CTNNA2: variants seen among roughly 807,000 people sequenced by gnomAD.
The protein encoded by CTNNA2 is catenin alpha 2, also known as catenin alpha-2.
A neutral mutation model predicts 101.0 loss-of-function variants in CTNNA2; 42 were observed. The observed-to-expected ratio is 0.42, with a 90% CI of 0.32 to 0.54. The LOEUF is 0.54. Ranked by LOEUF, CTNNA2 falls within the 20% of genes least tolerant of loss-of-function variation. The pLI is 0.14. For synonymous variants in CTNNA2, 450 were observed against 456.4 expected, an observed-to-expected ratio of 0.99 and a Z score of 0.18; for missense variants, 871 against 1,223.1, an observed-to-expected ratio of 0.71 and a Z score of 4.29.
chr2:79,959,371 C>A (rs1574411556), intron 7 of CTNNA2, among the ~76,000 whole-genome samples: 1 of 152,132 alleles, frequency 6.6e-6, no homozygotes, highest in East Asian at 1.9e-4. Context: ...GTTGAAAAAA[C>A]TTTCAAATTA....
At chr2:79,675,806 A>T (rs1683146911) in intron 2 of CTNNA2, among the ~76,000 whole-genome samples, 1 of 152,186 alleles carries the variant, frequency 6.6e-6, no homozygotes, top group Non-Finnish European at 1.5e-5. Flanking sequence ...TATGTTTCTG[A>T]CCCTGTTACC....
chr2:80,354,880 T>C (rs1211213384), intron 7 of CTNNA2, among the ~76,000 whole-genome samples: 1 of 152,150 alleles, frequency 6.6e-6, no homozygotes, highest in East Asian at 1.9e-4. Flanking sequence ...TCAGGGGTGC[T>C]GGGTCAGGGA....
intron 18 of CTNNA2, among the ~76,000 whole-genome samples, chr2:80,635,672 G>A (rs1672797454): frequency 6.6e-6 from 1 of 152,140 alleles, no homozygotes. Flanking sequence ...TCAAATCATA[G>A]CCCTCTCCTG....
At chr2:79,512,036 C>A (rs1399749284), upstream of CTNNA2, among the ~76,000 whole-genome samples, 1 of 152,130 alleles carries the variant, frequency 6.6e-6, no homozygotes, top group East Asian at 1.9e-4. Context: ...TGTGGCAGAA[C>A]AAAGATGACT....
intron 7 of CTNNA2, among the ~76,000 whole-genome samples, chr2:79,974,288 C>T (rs1351015904): frequency 6.6e-6 from 1 of 152,038 alleles, no homozygotes; most frequent in Non-Finnish European, 1.5e-5. Context: ...AAGCCCAATG[C>T]CCGTCGTGAA....
At chr2:80,064,395 A>G (rs1053126798) in intron 7 of CTNNA2, among the ~76,000 whole-genome samples, 3 of 152,372 alleles carry the variant, frequency 2.0e-5, no homozygotes, top group East Asian at 3.9e-4. Context: ...GAGAAACACT[A>G]CAGGACCATC....
intron 9 of CTNNA2, among the ~76,000 whole-genome samples, chr2:80,504,129 G>A (rs1286735279): frequency 6.6e-6 from 1 of 152,144 alleles, no homozygotes; most frequent in African/African-American, 2.4e-5. Flanking sequence ...AAATCAAGGT[G>A]TTAGCCAGTT....
chr2:79,593,195 T>C (rs1290608959), intron 1 of CTNNA2, among the ~76,000 whole-genome samples: 3 of 152,228 alleles, frequency 2.0e-5, no homozygotes, highest in Non-Finnish European at 4.4e-5. Context: ...CTGGACATCA[T>C]AGTTGAATGA....
intron 12 of CTNNA2, among the ~76,000 whole-genome samples, chr2:80,569,357 C>T (rs1486649502): frequency 6.6e-6 from 1 of 152,126 alleles, no homozygotes; most frequent in Non-Finnish European, 1.5e-5. Context: ...AAGTTTATCT[C>T]TGAATTTGAT....
At chr2:80,623,395 G>A (rs1671344868) in intron 18 of CTNNA2, among the ~76,000 whole-genome samples, 1 of 151,810 alleles carries the variant, frequency 6.6e-6, no homozygotes, top group Non-Finnish European at 1.5e-5. Flanking sequence ...AACTGAATAG[G>A]AGTTTTCCAG....
At chr2:79,620,790 G>T (rs1214901982) in intron 1 of CTNNA2, among the ~76,000 whole-genome samples, 1 of 152,142 alleles carries the variant, frequency 6.6e-6, no homozygotes, top group Non-Finnish European at 1.5e-5. Context: ...TATAATAGAG[G>T]CAGACACTCC....
At chr2:79,466,343 C>T (rs1670934937) in intron 4 of CTNNA2, among the ~76,000 whole-genome samples, 3 of 152,192 alleles carry the variant, frequency 2.0e-5, no homozygotes, top group Non-Finnish European at 1.5e-5. Context: ...GGGTCCCCGC[C>T]ATTGCTGAGG....
At chr2:79,305,007 A>C (rs959463757) in intron 2 of CTNNA2, among the ~76,000 whole-genome samples, 5 of 152,162 alleles carry the variant, frequency 3.3e-5, no homozygotes, top group South Asian at 2.1e-4. Context: ...GTGACAAACC[A>C]AGATGACAAG....
intron 9 of CTNNA2, among the ~76,000 whole-genome samples, chr2:80,487,384 T>C (rs531224595): frequency 3.3e-5 from 5 of 152,106 alleles, no homozygotes; most frequent in African/African-American, 1.2e-4. Flanking sequence ...GACTGGGTAG[T>C]TATAAAGCAA....
intron 9 of CTNNA2, among the ~76,000 whole-genome samples, chr2:80,447,414 G>A (rs1683162067): frequency 6.6e-6 from 1 of 152,184 alleles, no homozygotes; most frequent in South Asian, 2.1e-4. Context: ...GGCGTCTTAT[G>A]GAAGTCTAGA....
intron 7 of CTNNA2, among the ~76,000 whole-genome samples, chr2:80,257,612 C>G (rs1672274190): frequency 6.6e-6 from 1 of 152,086 alleles, no homozygotes; most frequent in Non-Finnish European, 1.5e-5. Flanking sequence ...AAGGAGAGTT[C>G]CAATGAATGT....
At chr2:79,726,422 T>G (rs1319326678) in intron 2 of CTNNA2, among the ~76,000 whole-genome samples, 1 of 152,172 alleles carries the variant, frequency 6.6e-6, no homozygotes. Context: ...CGTTACCACC[T>G]GAGCTCCGCC....
chr2:80,147,265 C>T (rs1335002035), intron 7 of CTNNA2, among the ~76,000 whole-genome samples: 1 of 152,000 alleles, frequency 6.6e-6, no homozygotes, highest in Non-Finnish European at 1.5e-5. Flanking sequence ...CATGCCCAGC[C>T]TAATTTTTGT....
chr2:79,326,678 A>G (rs906178874), intron 3 of CTNNA2, among the ~76,000 whole-genome samples: 2 of 152,226 alleles, frequency 1.3e-5, no homozygotes, highest in African/African-American at 2.4e-5. Context: ...TGCAAAATGA[A>G]TGAACAAGCT....
Sources: gnomAD v4.1 joint callset for allele counts (sites outside exome capture counted in the v4.1 genomes callset) on GRCh38, gnomAD v4.1.1 for gene constraint, MANE v1.5 for transcripts, NCBI Gene and HGNC (gene_info 2026-07-23, HGNC 2026-07-21) for gene names.